The following PEX5 variants were observed in gnomAD, a reference collection of about 807,000 sequenced individuals.
PEX5 encodes peroxisomal biogenesis factor 5.
A neutral mutation model predicts 82.9 loss-of-function variants in PEX5; 52 were observed. That is an observed-to-expected ratio of 0.63 (90% CI 0.50 to 0.79). The LOEUF is 0.79. PEX5 is among the 30% of genes least tolerant of loss of function. PEX5 has a pLI of 0.00. For synonymous variants in PEX5, 300 were observed against 318.8 expected (o/e 0.94, Z 0.63); for missense variants, 719 against 815.2 (o/e 0.88, Z 1.44).
At chr12:7,205,381 G>A (rs1442195330) in intron 10 of PEX5, among the ~76,000 whole-genome samples, 1 of 152,158 alleles carries the variant, frequency 6.6e-6, no homozygotes, top group African/African-American at 2.4e-5. Flanking sequence ...ACTCTTGATT[G>A]TTACATAAAT....
At chr12:7,192,635 CAT>C (rs1941365529) in intron 5 of PEX5, among the ~76,000 whole-genome samples, 1 of 152,058 alleles carries the variant, frequency 6.6e-6, no homozygotes, top group Non-Finnish European at 1.5e-5. Context: ...AAGAGATACA[CAT>C]AGAGAAAGTT....
In PEX5 at chr12:7,207,769, G is replaced by A. The variant is rs760518182; in HGVS notation, c.1077G>A (p.Glu359=). ...TGCCAAATGCTGTGCTGCTTTTTGA[G>A]GCAGCTGTGCAGCAGGATCCTAAGC... ...GDLPNAVLLF[E]AAVQQDPKHM... The change falls in exon 11 of 16, where the codon GAG becomes GAA. Residue 359 remains glutamate (E), a synonymous_variant. Coordinates refer to ENST00000675855, the MANE Select transcript of PEX5 (RefSeq NM_001351132.2). 7 of 1,613,968 alleles carry A rather than the reference G, an allele frequency of 4.3e-6. No homozygotes were observed. The highest frequency in any genetic ancestry group is 3.4e-6 in the Non-Finnish European group (4 of 1,179,990).
In PEX5 at chr12:7,203,487, G is replaced by A. The variant is rs2136175132; in HGVS notation, c.902G>A (p.Arg301Gln). ...GCAGAGTTGGAGGAGATGGCAAAACGGGATGCTGAGGCCCACCCCTGGCTT... is the reference window on the plus strand; with the variant it reads ...GCAGAGTTGGAGGAGATGGCAAAACAGGATGCTGAGGCCCACCCCTGGCTT... The part of the protein sequence containing the change: ...LQAELEEMAK[R>Q]DAEAHPWLSD... Residue 301 changes from arginine (R) to glutamine (Q), a missense_variant, in exon 10 of 16, where the codon CGG becomes CAG. Coordinates refer to ENST00000675855, the MANE Select transcript of PEX5 (RefSeq NM_001351132.2). The A allele has an allele frequency of 1.9e-6, 3 of 1,613,850 alleles. No homozygotes were observed. The highest frequency in any genetic ancestry group is 1.1e-5 in the South Asian group (1 of 91,056).
chr12:7,188,664 GCTGC>G (rs1391101338), upstream of PEX5: 64 of 152,764 alleles, frequency 4.2e-4, 2 homozygotes, highest in Non-Finnish European at 1.3e-4. Flanking sequence ...GGCGCCACCT[GCTGC>G]CTGCCTGCCT....
chr12:7,202,219 T>C (rs763436013), intron 7 of PEX5, 22 bp from the exon 8 acceptor site: 4 of 1,613,918 alleles, frequency 2.5e-6, no homozygotes, highest in Non-Finnish European at 3.4e-6. Context: ...CCAAGTGGCC[T>C]GTGTGTGTCT....
chr12:7,190,424 C>G lies in PEX5; in HGVS notation c.47C>G (p.Pro16Arg), dbSNP rs149871252. 12 of 1,614,092 alleles carry G rather than the reference C, an allele frequency of 7.4e-6. No homozygotes were observed. Among genetic ancestry groups the G allele is most frequent in the Non-Finnish European group, 1.0e-5 (12 of 1,180,046 alleles). Residue 16 changes from proline (P) to arginine (R), a missense_variant, in exon 2 of 16, where the codon CCG (proline) becomes CGG (arginine). Coordinates refer to ENST00000675855, the MANE Select transcript of PEX5 (RefSeq NM_001351132.2). ...GAGGCCGAATGCGGGGGTGCCAACCCGCTCATGAAGCTCGCCGGGCACTTC... is the reference window on the plus strand; with the variant it reads ...GAGGCCGAATGCGGGGGTGCCAACCGGCTCATGAAGCTCGCCGGGCACTTC... The part of the protein sequence containing the change: ...LVEAECGGAN[P>R]LMKLAGHFTQ...
intron 10 of PEX5, among the ~76,000 whole-genome samples, chr12:7,204,228 G>A (rs1180973019): frequency 1.3e-5 from 2 of 152,124 alleles, no homozygotes; most frequent in Non-Finnish European, 2.9e-5. Context: ...AACATGAAGA[G>A]GGGAAAGAAT....
At chr12:7,190,150 T>A (rs1010715741) in intron 1 of PEX5, 285 of 1,487,968 alleles carry the variant, frequency 1.9e-4, no homozygotes, top group Non-Finnish European at 2.5e-4. Flanking sequence ...AGGCGCAGGC[T>A]GGAAGCGGTG....
rs759232327 is a variant in PEX5, at chr12:7,201,860, C to G, written c.642+19C>G. ...TTCTGAGGTGAGCCACATCCCTCTGCTGCTTTGCCCAGCAGAGCTGGTTTT... is the reference window on the plus strand; with the variant it reads ...TTCTGAGGTGAGCCACATCCCTCTGGTGCTTTGCCCAGCAGAGCTGGTTTT... On this transcript the variant is annotated intron_variant, in intron 7 of 15. Coordinates refer to ENST00000675855, the MANE Select transcript of PEX5 (RefSeq NM_001351132.2). The G allele has an allele frequency of 1.8e-5, 29 of 1,567,824 alleles. No homozygotes were observed. The highest frequency in any genetic ancestry group is 1.3e-4 in the Admixed American group (8 of 59,948).
intron 10 of PEX5, among the ~76,000 whole-genome samples, chr12:7,204,678 C>T (rs774363437): frequency 6.6e-6 from 1 of 152,280 alleles, no homozygotes; most frequent in South Asian, 2.1e-4. Context: ...ACATAGGCCC[C>T]ATCAACTTAT....
At chr12:7,207,867 A>G (rs779142484) in intron 11 of PEX5, 65 bp downstream of exon 11, 5 of 1,588,840 alleles carry the variant, frequency 3.1e-6, no homozygotes, top group South Asian at 2.2e-5. Flanking sequence ...AAAGGCCCCA[A>G]GGAGAGTAGT....
chr12:7,196,618 T>C (rs1336930773), intron 5 of PEX5, among the ~76,000 whole-genome samples: 3 of 794 alleles, frequency 3.8e-3, no homozygotes, highest in African/African-American at 7.5e-3. Context: ...ATATGTCACA[T>C]ATAATGTAAT....
chr12:7,197,542 TA>T lies in PEX5; in HGVS notation c.449-1468del, dbSNP rs1293721003. 8.9e-4 allele frequency among the ~76,000 whole-genome samples: 67 copies of T among 75,028 alleles called. 5 individuals carry two copies. Among genetic ancestry groups the T allele is most frequent in the Non-Finnish European group, 1.2e-3 (43 of 34,512 alleles). The allele number at this position is 75,028 out of a possible 152,430, so 49.2% of individuals were successfully genotyped here. On this transcript the variant is annotated intron_variant, in intron 5 of 15. Coordinates refer to ENST00000675855, the MANE Select transcript of PEX5 (RefSeq NM_001351132.2). ...TTATATGTTATATATAATGTAATTA[TA>T]TATGTTATATATAATATAATAAGTA...
At chr12:7,201,944 T>G in intron 7 of PEX5, 103 bp downstream of exon 7, 2 of 822,270 alleles carry the variant, frequency 2.4e-6, no homozygotes, top group Non-Finnish European at 4.1e-6. Context: ...GGAGAAGAGA[T>G]CTTAGGTCTC....
At chr12:7,214,129 T>G (rs1945708938), downstream of PEX5, among the ~76,000 whole-genome samples, 1 of 152,190 alleles carries the variant, frequency 6.6e-6, no homozygotes, top group Non-Finnish European at 1.5e-5. Context: ...TTGGTGGGAC[T>G]GTAAACTAGT....
rs12227917 is a variant in PEX5 at position 7,189,747 on chromosome 12, C to A, written c.-20C>A. ...CGGCGGGTCGTGCGGCGCGGCGCTC[C>A]GCGGTGAGCGCCTGACCCCGAGGGG... On this transcript the variant is annotated 5_prime_UTR_variant, in exon 1 of 16. Coordinates refer to ENST00000675855, the MANE Select transcript of PEX5 (RefSeq NM_001351132.2). 14 of 427,534 alleles carry A rather than the reference C, an allele frequency of 3.3e-5. No individual in the cohort carries two copies. Among genetic ancestry groups the A allele is most frequent in the Non-Finnish European group, 2.3e-5 (6 of 258,894 alleles). The allele number at this position is 427,534 out of a possible 1,614,324, so 26.5% of individuals were successfully genotyped here.
intron 5 of PEX5, among the ~76,000 whole-genome samples, chr12:7,197,396 A>ATGTCATATACAATGTAATAAT (rs1942867201): frequency 3.9e-5 from 3 of 77,504 alleles, no homozygotes; most frequent in Admixed American, 1.6e-4. Context: ...TAATAATTAT[A>ATGTCATATACAATGTAATAAT]TATATGTCAT....
intron 2 of PEX5, 160 bp downstream of exon 2, chr12:7,190,684 G>T: frequency 6.8e-7 from 1 of 1,467,876 alleles, no homozygotes; most frequent in Non-Finnish European, 9.4e-7. Flanking sequence ...GCACATCTTG[G>T]TATAACTGCT....
chr12:7,206,104 A>C lies in PEX5; in HGVS notation c.967-1555A>C, dbSNP rs1944728239. On this transcript the variant is annotated intron_variant, in intron 10 of 15. Coordinates refer to ENST00000675855, the MANE Select transcript of PEX5 (RefSeq NM_001351132.2). ...CTTAAAACACGTATTAATGATGAAC[A>C]ATAGTTGAGGTTGAATGCAGAAGGA... is the stretch of plus-strand genomic sequence containing the variant. Among the ~76,000 whole-genome samples the C allele has an allele frequency of 2.0e-5, 3 of 152,216 alleles. 1 individual carries two copies.
Sources: allele counts gnomAD v4.1 joint callset (sites outside exome capture counted in the v4.1 genomes callset), GRCh38; gene constraint gnomAD v4.1.1; transcripts MANE v1.5; gene names NCBI Gene and HGNC (gene_info 2026-07-23, HGNC 2026-07-21).